The following SNRK variants were observed in gnomAD, a reference collection of about 807,000 sequenced individuals.
SNRK encodes SNF related kinase, also known as SNF-related serine/threonine-protein kinase.
Under a neutral mutation model 48.2 loss-of-function variants are expected in SNRK, and 3 were observed. The ratio of observed to expected loss-of-function variants is 0.06; its 90% CI spans 0.03 to 0.16. The LOEUF (loss-of-function observed/expected upper bound fraction) is 0.16. Among genes scored for constraint, SNRK ranks in the 10% least tolerant of loss-of-function variants. The pLI is 1.00. For missense variants in SNRK, 627 were observed against 976.0 expected, an observed-to-expected ratio of 0.64 and a Z score of 4.76; for synonymous variants, 376 against 366.1, an observed-to-expected ratio of 1.03 and a Z score of -0.31.
rs368877591 is a variant in SNRK at position 43,348,090 on chromosome 3, G to A, written c.1831G>A (p.Gly611Ser). 33 of 1,588,962 alleles carry A rather than the reference G, an allele frequency of 2.1e-5. 1 individual carries two copies. In the East Asian group the frequency reaches 2.9e-4, roughly 14 times the overall value. ...NNAGGGSPSS[G>S]SGGNPTNTSG... ...TGCTGGTGGGGGCAGTCCCTCCAGC[G>A]GCTCGGGTGGCAACCCCACCAATAC... Residue 611 changes from glycine to serine, a missense_variant, in exon 7 of 7, where the codon GGC becomes AGC. By Grantham distance (56) the Gly-to-Ser change is moderately conservative. Coordinates refer to ENST00000296088, the MANE Select transcript of SNRK (RefSeq NM_017719.5).
At chr3:43,286,789 G>A (rs1175992087) in intron 1 of SNRK, 114 bp downstream of exon 1, 1 of 147,448 alleles carries the variant, frequency 6.8e-6, no homozygotes, top group Non-Finnish European at 1.5e-5. Flanking sequence ...CCGGGCCGGG[G>A]CGCTCGCCGC....
chr3:43,290,863 T>C (rs1248487075), intron 1 of SNRK, among the ~76,000 whole-genome samples: 2 of 152,190 alleles, frequency 1.3e-5, no homozygotes, highest in East Asian at 3.8e-4. Context: ...CTAAATAAAA[T>C]GAACATGATC....
chr3:43,348,020 C>T lies in SNRK; in HGVS notation c.1761C>T (p.Ser587=), dbSNP rs1304583875. ...ATGGCGGGGGCCAGAGCAAGCCAAGCAATGCCAGTGGAGGGGTGGACAAGG... is the reference window on the plus strand; with the variant it reads ...ATGGCGGGGGCCAGAGCAAGCCAAGTAATGCCAGTGGAGGGGTGGACAAGG... The part of the protein sequence containing the change: ...EGDGGGQSKP[S]NASGGVDKAS... The change falls in exon 7 of 7, where the codon AGC becomes AGT. Residue 587 remains serine, a synonymous_variant. Coordinates refer to ENST00000296088, the MANE Select transcript of SNRK (RefSeq NM_017719.5). 6.2e-7 allele frequency: 1 copy of T among 1,611,552 alleles called. No homozygotes were observed.
At chr3:43,320,545 G>A (rs1269465015) in intron 3 of SNRK, among the ~76,000 whole-genome samples, 3 of 152,094 alleles carry the variant, frequency 2.0e-5, no homozygotes, top group African/African-American at 7.2e-5. Context: ...ACTGAAACTG[G>A]CTTAACAAAG....
At chr3:43,336,945 G>A in intron 4 of SNRK, among the ~76,000 whole-genome samples, 1 of 152,044 alleles carries the variant, frequency 6.6e-6, no homozygotes, top group Non-Finnish European at 1.5e-5. Flanking sequence ...GTAGAGACGG[G>A]TTTTCACCGT....
At chr3:43,331,152 C>T (rs1015952893) in intron 3 of SNRK, among the ~76,000 whole-genome samples, 2 of 152,104 alleles carry the variant, frequency 1.3e-5, no homozygotes, top group African/African-American at 4.8e-5. Flanking sequence ...TCTTTTAAGC[C>T]TTTTGTGGTC....
At chr3:43,294,585 C>CT (rs2090838275) in intron 1 of SNRK, among the ~76,000 whole-genome samples, 1 of 152,086 alleles carries the variant, frequency 6.6e-6, no homozygotes. Context: ...GATGCTCAAC[C>CT]TGTACACATA....
intron 4 of SNRK, 84 bp from the exon 5 acceptor site, chr3:43,340,203 A>T (rs2091224744): frequency 9.3e-7 from 1 of 1,077,582 alleles, no homozygotes; most frequent in Non-Finnish European, 1.4e-6. Context: ...TGGTATAGGA[A>T]ATCATTTTTG....
chr3:43,341,714 G>A (rs577291331), intron 5 of SNRK, among the ~76,000 whole-genome samples: 1 of 152,190 alleles, frequency 6.6e-6, no homozygotes, highest in Non-Finnish European at 1.5e-5. Flanking sequence ...CCCTGACTTC[G>A]GGGAAGAGAA....
At chr3:43,292,933 C>T (rs2090824208) in intron 1 of SNRK, among the ~76,000 whole-genome samples, 1 of 152,076 alleles carries the variant, frequency 6.6e-6, no homozygotes, top group Non-Finnish European at 1.5e-5. Context: ...ATACATGTGC[C>T]ATGGTGGTTT....
At chr3:43,311,072 C>T (rs769755625) in intron 3 of SNRK, among the ~76,000 whole-genome samples, 1 of 152,108 alleles carries the variant, frequency 6.6e-6, no homozygotes, top group Non-Finnish European at 1.5e-5. Flanking sequence ...GCCCTGGTAT[C>T]TGGTCTTACT....
chr3:43,340,520 A>G, intron 5 of SNRK, 21 bp downstream of exon 5: 1 of 1,599,692 alleles, frequency 6.3e-7, no homozygotes, highest in South Asian at 1.1e-5. Flanking sequence ...GCCCGTCAGT[A>G]CAGAGGGCCA....
intron 6 of SNRK, 38 bp downstream of exon 6, chr3:43,343,516 C>T (rs2091253087): frequency 5.7e-6 from 9 of 1,575,154 alleles, no homozygotes; most frequent in South Asian, 4.7e-5. Flanking sequence ...GTAAGTTTAA[C>T]GTTTTGAAAT....
intron 3 of SNRK, among the ~76,000 whole-genome samples, chr3:43,305,471 T>G (rs1456897578): frequency 6.6e-6 from 1 of 151,290 alleles, no homozygotes; most frequent in Non-Finnish European, 1.5e-5. Context: ...CATATAACAT[T>G]TATATACAAT....
intron 1 of SNRK, among the ~76,000 whole-genome samples, chr3:43,291,355 C>A (rs1233323804): frequency 6.6e-6 from 1 of 152,146 alleles, no homozygotes; most frequent in African/African-American, 2.4e-5. Flanking sequence ...CGTATCTGTT[C>A]CCGTAAGAGA....
chr3:43,344,948 T>A (rs1389339264), intron 6 of SNRK, among the ~76,000 whole-genome samples: 1 of 152,046 alleles, frequency 6.6e-6, no homozygotes, highest in Non-Finnish European at 1.5e-5. Context: ...AGTCTAAAGC[T>A]GATTGTATAT....
chr3:43,304,864 A>G (rs1257715898), intron 3 of SNRK, among the ~76,000 whole-genome samples: 1 of 152,146 alleles, frequency 6.6e-6, no homozygotes, highest in Non-Finnish European at 1.5e-5. Context: ...GAAAGGGTTA[A>G]TGAGCAGTTT....
intron 3 of SNRK, among the ~76,000 whole-genome samples, chr3:43,327,587 ATCC>A (rs750648102): frequency 1.4e-4 from 22 of 152,162 alleles, no homozygotes; most frequent in Admixed American, 2.6e-4. Context: ...TTATTTTCTA[ATCC>A]TCCTCTTTTG....
chr3:43,300,975 G>A (rs1216431026), intron 2 of SNRK, among the ~76,000 whole-genome samples: 1 of 152,226 alleles, frequency 6.6e-6, no homozygotes, highest in Non-Finnish European at 1.5e-5. Flanking sequence ...TTACACACTG[G>A]CCATTTGGCC....
Sources: allele counts gnomAD v4.1 joint callset (sites outside exome capture counted in the v4.1 genomes callset), GRCh38; gene constraint gnomAD v4.1.1; transcripts MANE v1.5; gene names NCBI Gene and HGNC (gene_info 2026-07-23, HGNC 2026-07-21).